The following A4GALT variants were observed in gnomAD, a reference collection of about 807,000 sequenced individuals.
A4GALT encodes the protein lactosylceramide 4-alpha-galactosyltransferase.
For synonymous variants in A4GALT, 257 were observed against 220.7 expected (o/e 1.16, Z -1.46); for missense variants, 512 against 486.0 (o/e 1.05, Z -0.50).
intron 1 of A4GALT, among the ~76,000 whole-genome samples, chr22:42,716,175 C>G (rs1033722104): frequency 3.9e-5 from 6 of 152,096 alleles, no homozygotes; most frequent in Non-Finnish European, 8.8e-5. Context: ...CCCTAACCTG[C>G]TCTCTCCCAC....
intron 1 of A4GALT, among the ~76,000 whole-genome samples, chr22:42,703,632 G>T (rs1920944759): frequency 6.6e-6 from 1 of 152,144 alleles, no homozygotes; most frequent in Non-Finnish European, 1.5e-5. Flanking sequence ...GTGATGTCGG[G>T]AAGATGACTT....
At chr22:42,719,881 G>A (rs941483436) in intron 1 of A4GALT, among the ~76,000 whole-genome samples, 1 of 152,212 alleles carries the variant, frequency 6.6e-6, no homozygotes. Context: ...CGGAGGGGAG[G>A]AAGCCGCAGA....
At position 42,693,682 on chromosome 22, in the gene A4GALT, G is replaced by T. The variant is rs753030474; in HGVS notation, c.270C>A (p.Pro90=). The T allele has an allele frequency of 3.7e-6, 6 of 1,612,882 alleles. No homozygotes were observed. In the Admixed American group the frequency reaches 1.0e-4, roughly 27 times the overall value. The change falls in exon 3 of 3, where the codon CCC becomes CCA. Residue 90 remains proline, a synonymous_variant. Transcript: ENST00000642412. ...CCACCGAGCACATGAACAGGAAGTTGGGGTTGGTCCGGTCTGAAGTCTCCA... is the reference window on the plus strand; with the variant it reads ...CCACCGAGCACATGAACAGGAAGTTTGGGTTGGTCCGGTCTGAAGTCTCCA... ...FFLETSDRTN[P]NFLFMCSVES... is the part of the protein sequence containing the mutation.
chr22:42,693,584 G>A lies in A4GALT; in HGVS notation c.368C>T (p.Ser123Phe). The A allele has an allele frequency of 6.2e-7, 1 of 1,613,686 alleles. No homozygotes were observed. Among genetic ancestry groups the A allele is most frequent in the Non-Finnish European group, 8.5e-7 (1 of 1,180,038 alleles). ...TGAGATGCCCAGGTGCCGGGGCAGAGAGGCGTTGCCACCCGGAAGCCCTTT... is the reference window on the plus strand; with the variant it reads ...TGAGATGCCCAGGTGCCGGGGCAGAAAGGCGTTGCCACCCGGAAGCCCTTT... ...LMKGLPGGNA[S>F]LPRHLGISLL... Residue 123 changes from serine to phenylalanine, a missense_variant, in exon 3 of 3, where the codon TCT becomes TTT. By Grantham distance (155) the Ser-to-Phe change is radical. Coordinates refer to ENST00000642412, the MANE Select transcript of A4GALT (RefSeq NM_017436.7).
At chr22:42,708,724 T>G (rs530957523) in intron 1 of A4GALT, among the ~76,000 whole-genome samples, 2 of 152,206 alleles carry the variant, frequency 1.3e-5, no homozygotes, top group East Asian at 3.9e-4. Context: ...GGGAGAAAGC[T>G]TCCCATACAA....
Position 42,693,910 on chromosome 22 carries a change from G to C in A4GALT, c.42C>G (p.Gly14=), listed in dbSNP as rs778598915. 6.2e-7 allele frequency: 1 copy of C among 1,606,250 alleles called. No individual in the cohort carries two copies. The highest frequency in any genetic ancestry group is 8.5e-7 in the Non-Finnish European group (1 of 1,177,188). ...PPDLLLRLLR[G]APRQRVCTLF... ...GGGTGCAGACCCGCTGCCTTGGGGC[G>C]CCCCGGAGCAGCCGCAGCAGGAGGT... Residue 14 remains glycine, a synonymous_variant, in exon 3 of 3, where the codon GGC becomes GGG. Transcript: ENST00000642412.
chr22:42,694,204 C>T (rs1408847115), intron 2 of A4GALT, among the ~76,000 whole-genome samples: 2 of 152,258 alleles, frequency 1.3e-5, no homozygotes, highest in Non-Finnish European at 2.9e-5. Flanking sequence ...GGGGTCTGAG[C>T]AGGGTCCCTT....
chr22:42,699,537 G>A (rs1931162454), intron 1 of A4GALT, among the ~76,000 whole-genome samples: 1 of 152,140 alleles, frequency 6.6e-6, no homozygotes, highest in Non-Finnish European at 1.5e-5. Context: ...GGCCTGGCCC[G>A]GGGAGCTGAC....
chr22:42,711,625 T>C (rs1465144781), intron 1 of A4GALT, among the ~76,000 whole-genome samples: 2 of 152,160 alleles, frequency 1.3e-5, no homozygotes, highest in Admixed American at 6.5e-5. Context: ...ACATATTTTC[T>C]GTATTTTGTT....
intron 1 of A4GALT, among the ~76,000 whole-genome samples, chr22:42,720,085 C>G (rs1405336920): frequency 6.6e-6 from 1 of 152,176 alleles, no homozygotes; most frequent in African/African-American, 2.4e-5. Flanking sequence ...AGATCCTCTC[C>G]CAAGCCCAGT....
intron 1 of A4GALT, among the ~76,000 whole-genome samples, chr22:42,700,145 G>T (rs1172730949): frequency 1.3e-5 from 2 of 152,184 alleles, no homozygotes; most frequent in Admixed American, 6.5e-5. Context: ...GGGACCAGAT[G>T]GGGCCACCGC....
chr22:42,715,044 T>TGG lies in A4GALT; in HGVS notation c.-188+5751_-188+5752dup, dbSNP rs11388126. ...TGAGCAAACAGCAGAGTATGTGGGG[T>TGG]GGGGGGGTTCCAGGACAGGAGGTCA... On this transcript the variant is annotated intron_variant, in intron 1 of 2. Transcript: ENST00000642412. Among the ~76,000 whole-genome samples the TGG allele has an allele frequency of 2.5e-3, 183 of 72,196 alleles. 1 individual carries two copies. The highest frequency in any genetic ancestry group is 8.4e-3 in the African/African-American group (168 of 19,946). 47.4% of individuals were successfully genotyped at this position (72,196 alleles called of 152,430 possible). A position where few individuals can be genotyped will look rare whatever the true frequency, so the allele number is the denominator to read the frequency against.
At chr22:42,705,258 G>C (rs965448863) in intron 1 of A4GALT, among the ~76,000 whole-genome samples, 5 of 152,090 alleles carry the variant, frequency 3.3e-5, no homozygotes, top group African/African-American at 1.2e-4. Context: ...ATGGAAACGG[G>C]GGTGAGGAGC....
chr22:42,692,668 C>T lies in A4GALT; in HGVS notation c.*222G>A, dbSNP rs895453301. On this transcript the variant is annotated 3_prime_UTR_variant, in exon 3 of 3. Coordinates refer to ENST00000642412, the MANE Select transcript of A4GALT (RefSeq NM_017436.7). This position sits in a 1 kb window ranked among gnomAD's most constrained non-coding sequence, Gnocchi z 4.6. ...CCCGGGGCACTCACTGAGCGCCCTC[C>T]GCTGGCTATGGCACCATGTGTCAGC... is the stretch of plus-strand genomic sequence containing the variant. 41 of 691,204 alleles carry T rather than the reference C, an allele frequency of 5.9e-5. No homozygotes were observed. The highest frequency in any genetic ancestry group is 2.5e-4 in the African/African-American group (14 of 56,968). The allele number at this position is 691,204 out of a possible 1,614,324, so 42.8% of individuals were successfully genotyped here.
intron 1 of A4GALT, among the ~76,000 whole-genome samples, chr22:42,706,342 G>C (rs1404339858): frequency 6.5e-5 from 7 of 107,208 alleles, no homozygotes; most frequent in Admixed American, 1.3e-4. Flanking sequence ...GTGACAGAGC[G>C]AGACTCCATC....
Position 42,692,265 on chromosome 22 carries a change from A to C in A4GALT, c.*625T>G. 4.3e-6 allele frequency: 1 copy of C among 233,152 alleles called. No homozygotes were observed. Among genetic ancestry groups the C allele is most frequent in the South Asian group, 5.9e-5 (1 of 16,836 alleles). 14.4% of individuals were successfully genotyped at this position (233,152 alleles called of 1,614,324 possible). The stretch of plus-strand genomic sequence containing the variant: ...GTCTGAGGGAAGGGGCAGAGCATAC[A>C]CGCCCCCCTGGCATCTCTGGAGAGG... On this transcript the variant is annotated 3_prime_UTR_variant, in exon 3 of 3. Transcript: ENST00000642412. The surrounding 1 kb of genome is among the most constrained non-coding windows in gnomAD (Gnocchi z 4.6).
At chr22:42,709,067 A>ATATATTTTTTT (rs1180529043) in intron 1 of A4GALT, among the ~76,000 whole-genome samples, 15 of 128,834 alleles carry the variant, frequency 1.2e-4, no homozygotes, top group Admixed American at 3.9e-4. Flanking sequence ...ATATATATAT[A>ATATATTTTTTT]TTTTTTTTAA....
chr22:42,717,461 A>T (rs1922291737), intron 1 of A4GALT, among the ~76,000 whole-genome samples: 1 of 152,100 alleles, frequency 6.6e-6, no homozygotes, highest in South Asian at 2.1e-4. Context: ...GGAAGATCAA[A>T]GCCAATTCAT....
intron 1 of A4GALT, among the ~76,000 whole-genome samples, chr22:42,701,053 G>A (rs1007952117): frequency 2.0e-5 from 3 of 152,166 alleles, no homozygotes; most frequent in African/African-American, 7.2e-5. Context: ...TGCCTCTAGT[G>A]GAGCCAAATC....
Sources: gnomAD v4.1 joint callset for allele counts (sites outside exome capture counted in the v4.1 genomes callset) on GRCh38, gnomAD v4.1.1 for gene constraint, Gnocchi (gnomAD v3.1) non-coding constraint, MANE v1.5 for transcripts, NCBI Gene and HGNC (gene_info 2026-07-23, HGNC 2026-07-21) for gene names.